The following TAF12 variants were observed in gnomAD, a reference collection of about 807,000 sequenced individuals.
TAF12 encodes TATA-box binding protein associated factor 12.
Under a neutral mutation model 20.8 loss-of-function variants are expected in TAF12, and 3 were observed. The observed-to-expected ratio is 0.14, with a 90% CI of 0.07 to 0.37. TAF12 has a LOEUF of 0.37. Among genes scored for constraint, TAF12 ranks in the 10% least tolerant of loss-of-function variants. The probability of loss-of-function intolerance (pLI) is 1.00; values close to 1 mark genes in which losing one functional copy is unlikely to be tolerated. For missense variants in TAF12, 131 were observed against 197.9 expected, an observed-to-expected ratio of 0.66 and a Z score of 2.03; for synonymous variants, 69 against 70.2, an observed-to-expected ratio of 0.98 and a Z score of 0.09.
chr1:28,625,225 GA>G (rs1480862141), intron 1 of TAF12, among the ~76,000 whole-genome samples: 1 of 152,076 alleles, frequency 6.6e-6, no homozygotes, highest in Admixed American at 6.6e-5. Flanking sequence ...AGAGATTTTT[GA>G]GTAAGAATTT....
At chr1:28,624,541 G>A (rs1318652209) in intron 1 of TAF12, among the ~76,000 whole-genome samples, 1 of 152,148 alleles carries the variant, frequency 6.6e-6, no homozygotes, top group African/African-American at 2.4e-5. Context: ...GAGGTCAGGA[G>A]TTTGAGACCA....
intron 4 of TAF12, among the ~76,000 whole-genome samples, chr1:28,612,165 C>G (rs1037791072): frequency 6.6e-6 from 1 of 152,006 alleles, no homozygotes; most frequent in Non-Finnish European, 1.5e-5. Flanking sequence ...TAGTTATAGA[C>G]TGGGCTGGGC....
rs1050001593 is a variant in TAF12, at chr1:28,643,033, C to A, written c.-126G>T. 2.8e-5 allele frequency: 28 copies of A among 985,796 alleles called. No individual in the cohort carries two copies. Among genetic ancestry groups the A allele is most frequent in the Non-Finnish European group, 3.3e-5 (27 of 829,968 alleles). The allele number at this position is 985,796 out of a possible 1,614,324, so 61.1% of individuals were successfully genotyped here. The stretch of plus-strand genomic sequence containing the variant: ...CTCCCCATGATATGCAGAGACTGCC[C>A]CAGTGAAGCGTTCGTCTCAGCAGCC... On this transcript the variant is annotated 5_prime_UTR_variant, in exon 1 of 6. Coordinates refer to ENST00000373824, the MANE Select transcript of TAF12 (RefSeq NM_005644.4).
chr1:28,605,184 A>G, intron 5 of TAF12, 188 bp downstream of exon 5: 1 of 599,936 alleles, frequency 1.7e-6, no homozygotes, highest in Non-Finnish European at 3.0e-6. Flanking sequence ...GCACAGCACC[A>G]TGTGAATATC....
intron 1 of TAF12, among the ~76,000 whole-genome samples, chr1:28,638,786 T>C (rs1371984216): frequency 7.0e-6 from 1 of 142,216 alleles, no homozygotes; most frequent in African/African-American, 2.7e-5. Flanking sequence ...TCACCTGGCC[T>C]ATTTTTTTTT....
At position 28,643,057 on chromosome 1, in the gene TAF12, C is replaced by A; in HGVS notation, c.-150G>T. 2 of 985,918 alleles carry A rather than the reference C, an allele frequency of 2.0e-6. No individual in the cohort carries two copies. The highest frequency in any genetic ancestry group is 2.4e-6 in the Non-Finnish European group (2 of 829,954). The allele number at this position is 985,918 out of a possible 1,614,324, so 61.1% of individuals were successfully genotyped here. On this transcript the variant is annotated 5_prime_UTR_variant, in exon 1 of 6. Coordinates refer to ENST00000373824, the MANE Select transcript of TAF12 (RefSeq NM_005644.4). ...CCCAGTGAAGCGTTCGTCTCAGCAGCCGGTCCGACTGCGCGGCCCTCCCCG... is the reference window on the plus strand; with the variant it reads ...CCCAGTGAAGCGTTCGTCTCAGCAGACGGTCCGACTGCGCGGCCCTCCCCG...
chr1:28,646,780 G>A (rs1435189783), upstream of TAF12, among the ~76,000 whole-genome samples: 1 of 147,852 alleles, frequency 6.8e-6, no homozygotes, highest in East Asian at 2.0e-4. Context: ...CTCACCGCAA[G>A]CTCCACCTCC....
At chr1:28,632,971 C>A (rs1229096873) in intron 1 of TAF12, among the ~76,000 whole-genome samples, 1 of 152,034 alleles carries the variant, frequency 6.6e-6, no homozygotes, top group Non-Finnish European at 1.5e-5. Flanking sequence ...ACAAGCAATT[C>A]TCCTGTCTCA....
chr1:28,633,007 G>A (rs1667688235), intron 1 of TAF12, among the ~76,000 whole-genome samples: 1 of 151,820 alleles, frequency 6.6e-6, no homozygotes. Context: ...CGGATTACAG[G>A]TATACACCAC....
chr1:28,639,846 C>CT (rs113418227), intron 1 of TAF12, among the ~76,000 whole-genome samples: 397 of 145,546 alleles, frequency 2.7e-3, no homozygotes, highest in African/African-American at 6.0e-3. Flanking sequence ...TTTCAAATTA[C>CT]TTTTTTTTTT....
At chr1:28,632,849 A>G (rs952100290) in intron 1 of TAF12, among the ~76,000 whole-genome samples, 2 of 151,958 alleles carry the variant, frequency 1.3e-5, no homozygotes, top group Non-Finnish European at 2.9e-5. Flanking sequence ...TAATAATTTT[A>G]TTGTATATAA....
chr1:28,639,300 C>T (rs900773660), intron 1 of TAF12, among the ~76,000 whole-genome samples: 1 of 151,644 alleles, frequency 6.6e-6, no homozygotes, highest in East Asian at 2.0e-4. Flanking sequence ...CCTGTAATCC[C>T]AGCTACATGG....
At chr1:28,623,866 T>C in intron 1 of TAF12, 1 of 671,766 alleles carries the variant, frequency 1.5e-6, no homozygotes, top group Non-Finnish European at 1.8e-6. Context: ...AGGCTGACTC[T>C]GTGGACGTCA....
chr1:28,608,482 G>A (rs531533277), intron 4 of TAF12, among the ~76,000 whole-genome samples: 3 of 152,292 alleles, frequency 2.0e-5, no homozygotes, highest in Admixed American at 1.3e-4. Context: ...GGCCGGGTGT[G>A]GTGGCTCACG....
intron 1 of TAF12, among the ~76,000 whole-genome samples, chr1:28,629,194 G>C (rs1021793106): frequency 2.6e-5 from 4 of 152,132 alleles, no homozygotes; most frequent in Admixed American, 1.3e-4. Flanking sequence ...TATCTGGGTG[G>C]CCTATGGGAC....
intron 1 of TAF12, chr1:28,642,777 G>C (rs1012985178): frequency 3.0e-6 from 3 of 984,952 alleles, no homozygotes; most frequent in African/African-American, 1.7e-5. Context: ...ACTCGCATCC[G>C]TCCCCGTTCC....
At chr1:28,642,526 T>C (rs956237525) in intron 1 of TAF12, 1 of 581,592 alleles carries the variant, frequency 1.7e-6, no homozygotes, top group African/African-American at 2.0e-5. Context: ...ACTCAAGTTT[T>C]CTCTGTCTGC....
chr1:28,623,869 G>T, intron 1 of TAF12: 2 of 696,036 alleles, frequency 2.9e-6, no homozygotes, highest in Non-Finnish European at 3.5e-6. Context: ...CTGACTCTGT[G>T]GACGTCAGCT....
At chr1:28,610,553 G>T (rs1021898208) in intron 4 of TAF12, among the ~76,000 whole-genome samples, 2 of 152,108 alleles carry the variant, frequency 1.3e-5, no homozygotes, top group African/African-American at 4.8e-5. Context: ...GGGCTGAAGC[G>T]ATCCTCCTGC....
Sources: allele counts gnomAD v4.1 joint callset (sites outside exome capture counted in the v4.1 genomes callset), GRCh38; gene constraint gnomAD v4.1.1; transcripts MANE v1.5; gene names NCBI Gene and HGNC (gene_info 2026-07-23, HGNC 2026-07-21).